Variants in HOMER1 observed in about 807,000 individuals in gnomAD.
The protein encoded by HOMER1 is homer protein homolog 1.
A neutral mutation model predicts 48.9 loss-of-function variants in HOMER1; 3 were observed. The ratio of observed to expected loss-of-function variants is 0.06; its 90% CI spans 0.03 to 0.16. HOMER1 has a LOEUF of 0.16. Among genes scored for constraint, HOMER1 ranks in the 10% least tolerant of loss-of-function variants. HOMER1 has a pLI of 1.00. For missense variants in HOMER1, 247 were observed against 411.4 expected, an observed-to-expected ratio of 0.60 and a Z score of 3.46; for synonymous variants, 134 against 146.4, an observed-to-expected ratio of 0.92 and a Z score of 0.61.
intron 1 of HOMER1, among the ~76,000 whole-genome samples, chr5:79,465,718 G>A (rs985242665): frequency 6.8e-5 from 10 of 147,408 alleles, no homozygotes; most frequent in African/African-American, 2.3e-4. Flanking sequence ...TCAGCCTCCC[G>A]AGTAGCTGGG....
At chr5:79,490,746 G>A (rs1752245180) in intron 1 of HOMER1, among the ~76,000 whole-genome samples, 1 of 143,482 alleles carries the variant, frequency 7.0e-6, no homozygotes, top group South Asian at 2.2e-4. Flanking sequence ...AGCCTGGCCA[G>A]TATAGCAAGA....
intron 5 of HOMER1, among the ~76,000 whole-genome samples, chr5:79,426,871 T>C (rs1750272552): frequency 6.6e-6 from 1 of 152,188 alleles, no homozygotes; most frequent in Non-Finnish European, 1.5e-5. Flanking sequence ...ATTTGATTGG[T>C]AAACATTGTA....
At chr5:79,435,230 T>C (rs1278249978) in intron 5 of HOMER1, among the ~76,000 whole-genome samples, 2 of 152,218 alleles carry the variant, frequency 1.3e-5, no homozygotes, top group Non-Finnish European at 2.9e-5. Flanking sequence ...AAACTTTCAG[T>C]GCTAAATGAA....
chr5:79,397,799 A>T (rs1177592875), intron 6 of HOMER1, 162 bp from the exon 7 acceptor site: 1 of 430,736 alleles, frequency 2.3e-6, no homozygotes, highest in African/African-American at 2.1e-5. Flanking sequence ...TAGATTCTTC[A>T]AAGATATAAA....
chr5:79,458,150 T>C (rs1002937511), intron 1 of HOMER1, among the ~76,000 whole-genome samples: 3 of 152,130 alleles, frequency 2.0e-5, no homozygotes, highest in Non-Finnish European at 2.9e-5. Flanking sequence ...AAAATACTTG[T>C]TTAAAATATC....
chr5:79,426,144 G>C (rs948369184), intron 5 of HOMER1, among the ~76,000 whole-genome samples: 5 of 151,914 alleles, frequency 3.3e-5, no homozygotes, highest in African/African-American at 1.2e-4. Flanking sequence ...GGTGAGGATA[G>C]AAAGTGGAAA....
rs1161959547 is a variant in HOMER1, at chr5:79,405,339, T to C, written c.528-3284A>G. Among the ~76,000 whole-genome samples the C allele has an allele frequency of 2.6e-5, 4 of 152,144 alleles. No individual in the cohort carries two copies. In the South Asian group the frequency reaches 8.3e-4, roughly 32 times the overall value. On this transcript the variant is annotated intron_variant, in intron 5 of 8. Transcript: ENST00000334082. Reference sequence around the variant, plus strand: ...CTCCAGAACTATGAGAAAATAGATTTCTATAGTTTAAGCCATGCAGTCTAC... The same window carrying C: ...CTCCAGAACTATGAGAAAATAGATTCCTATAGTTTAAGCCATGCAGTCTAC...
intron 1 of HOMER1, among the ~76,000 whole-genome samples, chr5:79,461,788 C>A (rs1006157586): frequency 2.0e-5 from 3 of 152,130 alleles, no homozygotes; most frequent in Non-Finnish European, 2.9e-5. Context: ...AAGCCTTATT[C>A]AGTAACGACT....
intron 6 of HOMER1, among the ~76,000 whole-genome samples, chr5:79,400,294 A>G (rs992609398): frequency 6.6e-6 from 1 of 152,046 alleles, no homozygotes; most frequent in African/African-American, 2.4e-5. Flanking sequence ...CACAGGATAG[A>G]ATAACATTTA....
chr5:79,508,731 T>C (rs1752847958), intron 1 of HOMER1, among the ~76,000 whole-genome samples: 1 of 152,190 alleles, frequency 6.6e-6, no homozygotes, highest in Admixed American at 6.5e-5. Context: ...CCTCAGCAGC[T>C]AATGCCCCCC....
At chr5:79,424,745 G>A (rs1258053085) in intron 5 of HOMER1, among the ~76,000 whole-genome samples, 1 of 152,014 alleles carries the variant, frequency 6.6e-6, no homozygotes, top group Non-Finnish European at 1.5e-5. Flanking sequence ...CTATGAGTCA[G>A]TTCTACAAAG....
At chr5:79,441,002 C>A (rs1750721265) in intron 4 of HOMER1, among the ~76,000 whole-genome samples, 1 of 151,906 alleles carries the variant, frequency 6.6e-6, no homozygotes, top group Non-Finnish European at 1.5e-5. Context: ...TACAAAAATA[C>A]AAACAAAATT....
At chr5:79,395,900 G>C (rs1749370173) in intron 8 of HOMER1, among the ~76,000 whole-genome samples, 1 of 152,184 alleles carries the variant, frequency 6.6e-6, no homozygotes, top group African/African-American at 2.4e-5. Flanking sequence ...CTCAATAAAT[G>C]TTGGCTGTTC....
At chr5:79,463,281 TCCAAGAAATAA>T (rs1160920340) in intron 1 of HOMER1, among the ~76,000 whole-genome samples, 1 of 152,144 alleles carries the variant, frequency 6.6e-6, no homozygotes, top group African/African-American at 2.4e-5. Context: ...CTGAAACAAT[TCCAAGAAATAA>T]CCAAGAAAAG....
rs1748745041 is a variant in HOMER1, at chr5:79,375,433, A to G, written c.*576T>C. On this transcript the variant is annotated 3_prime_UTR_variant, in exon 9 of 9. Transcript: ENST00000334082. ...CCAGCACAAAAAAGGGAAGAACTCT[A>G]TACACCCAGTTATAGTATATTTCAA... 6.6e-6 allele frequency: 1 copy of G among 152,128 alleles called. No individual in the cohort carries two copies. Among genetic ancestry groups the G allele is most frequent in the South Asian group, 2.1e-4 (1 of 4,830 alleles). The allele number at this position is 152,128 out of a possible 1,614,324, so 9.4% of individuals were successfully genotyped here.
intron 1 of HOMER1, among the ~76,000 whole-genome samples, chr5:79,483,268 A>C (rs1580015157): frequency 6.6e-6 from 1 of 152,212 alleles, no homozygotes; most frequent in African/African-American, 2.4e-5. Context: ...AACCAGAAGA[A>C]GACAGAATAT....
At position 79,373,291 on chromosome 5, in the gene HOMER1, T is replaced by G. The variant is rs1038368321; in HGVS notation, c.*2718A>C. The stretch of plus-strand genomic sequence containing the variant: ...AATGTATTTCAAAATAAAAACTGTA[T>G]TTTTGCTTTTCTTTTTTTTTTTCAA... On this transcript the variant is annotated 3_prime_UTR_variant, in exon 9 of 9. Coordinates refer to ENST00000334082, the MANE Select transcript of HOMER1 (RefSeq NM_004272.5). 1 of 151,992 alleles carries G rather than the reference T, an allele frequency of 6.6e-6. No homozygotes were observed. Among genetic ancestry groups the G allele is most frequent in the South Asian group, 2.1e-4 (1 of 4,828 alleles). 9.4% of individuals were successfully genotyped at this position (151,992 alleles called of 1,614,324 possible).
At chr5:79,443,193 G>C (rs948598757) in intron 4 of HOMER1, among the ~76,000 whole-genome samples, 1 of 152,162 alleles carries the variant, frequency 6.6e-6, no homozygotes, top group African/African-American at 2.4e-5. Flanking sequence ...GATTTTGAAT[G>C]CAAAACTAGA....
intron 8 of HOMER1, among the ~76,000 whole-genome samples, chr5:79,379,228 ATATATAT>A (rs1263681780): frequency 4.3e-5 from 3 of 69,366 alleles, no homozygotes; most frequent in South Asian, 4.6e-4. Flanking sequence ...TATATCTATA[ATATATAT>A]TATATATTAT....
Sources: allele counts gnomAD v4.1 joint callset (sites outside exome capture counted in the v4.1 genomes callset), GRCh38; gene constraint gnomAD v4.1.1; transcripts MANE v1.5; gene names NCBI Gene and HGNC (gene_info 2026-07-23, HGNC 2026-07-21).